PCDHA6: variants seen among roughly 807,000 people sequenced by gnomAD.
PCDHA6 encodes the protein protocadherin alpha 6.
In PCDHA6, 55 loss-of-function variants were observed where a neutral mutation model predicts 60.3. The observed-to-expected ratio is 0.91, with a 90% CI of 0.73 to 1.14. The LOEUF (loss-of-function observed/expected upper bound fraction) is 1.14. Among genes scored for constraint, PCDHA6 ranks in the 50% most tolerant of loss-of-function variants. The pLI, the probability that PCDHA6 is intolerant of heterozygous loss-of-function variation, is 0.00. For missense variants in PCDHA6, 1,327 were observed against 1,256.5 expected (o/e 1.06, Z -0.85); for synonymous variants, 652 against 557.9 (o/e 1.17, Z -2.38).
At chr5:140,834,844 T>C in intron 1 of PCDHA6, 2 of 1,611,130 alleles carry the variant, frequency 1.2e-6, no homozygotes, top group Non-Finnish European at 1.7e-6. Flanking sequence ...CGGTTTCCAC[T>C]AGAGGGCGCG....
At chr5:140,837,048 T>A (rs1774890519) in intron 1 of PCDHA6, 1 of 199,144 alleles carries the variant, frequency 5.0e-6, no homozygotes. Flanking sequence ...ATCAAATATT[T>A]ACATTTCCAT....
intron 1 of PCDHA6, among the ~76,000 whole-genome samples, chr5:140,899,853 G>T (rs2067594174): frequency 6.6e-6 from 1 of 152,118 alleles, no homozygotes; most frequent in South Asian, 2.1e-4. Context: ...TGTCACCCAG[G>T]CTGGAGTGCA....
chr5:140,927,218 A>T, intron 1 of PCDHA6: 1 of 1,614,090 alleles, frequency 6.2e-7, no homozygotes, highest in Non-Finnish European at 8.5e-7. Flanking sequence ...GAGCTGCACA[A>T]GATTCGGATT....
In PCDHA6 at chr5:141,005,148, G is replaced by T. The variant is rs528805353; in HGVS notation, c.2543-4479G>T. The stretch of plus-strand genomic sequence containing the variant: ...AAGTGCCTCATTGGAGAGTTGTTTG[G>T]TCTGCTAAAGAGTGGGTACCACTTT... On this transcript the variant is annotated intron_variant, in intron 3 of 3. Transcript: ENST00000529310. 3.3e-5 allele frequency among the ~76,000 whole-genome samples: 5 copies of T among 152,328 alleles called. No individual in the cohort carries two copies. The South Asian group carries it at 1.0e-3, about 32-fold the overall frequency.
intron 1 of PCDHA6, among the ~76,000 whole-genome samples, chr5:140,893,688 C>G (rs903086896): frequency 6.6e-6 from 1 of 152,168 alleles, no homozygotes; most frequent in Admixed American, 6.5e-5. Context: ...TATATCATCT[C>G]ATTCTATCCT....
intron 1 of PCDHA6, chr5:140,875,308 A>G (rs757619394): frequency 2.7e-5 from 39 of 1,423,476 alleles, no homozygotes; most frequent in Non-Finnish European, 3.4e-5. Flanking sequence ...CTCCGCACCC[A>G]CATTCCAATC....
rs2150166463 is a variant in PCDHA6 at position 140,829,358 on chromosome 5, T to C, written c.1267T>C (p.Leu423=). Residue 423 remains leucine, a synonymous_variant, in exon 1 of 4, where the codon TTG becomes CTG. Coordinates refer to ENST00000529310, the MANE Select transcript of PCDHA6 (RefSeq NM_018909.4). ...LDRESVSAYE[L]VVTARDGGSP... is the part of the protein sequence containing the mutation. ...CCGCGAGAGCGTGTCGGCCTATGAG[T>C]TGGTGGTAACCGCGCGGGACGGGGG... The C allele has an allele frequency of 2.5e-6, 4 of 1,614,154 alleles. No individual in the cohort carries two copies. Among genetic ancestry groups the C allele is most frequent in the Admixed American group, 1.7e-5 (1 of 60,020 alleles).
chr5:140,896,583 G>T (rs557774521), intron 1 of PCDHA6, among the ~76,000 whole-genome samples: 1 of 151,654 alleles, frequency 6.6e-6, no homozygotes, highest in South Asian at 2.1e-4. Context: ...TGACGTGTTG[G>T]CCAGGCTGGT....
rs1554135559 is a variant in PCDHA6 at position 140,836,032 on chromosome 5, C to T, written c.2394+5547C>T. 7.4e-6 allele frequency: 12 copies of T among 1,613,412 alleles called. No individual in the cohort carries two copies. The East Asian group carries it at 2.7e-4, about 36-fold the overall frequency. ...GTGCCGCCTCTGGGCAGCAACGTGA[C>T]GCTGCAGGTGTTCGTGCTGGACGAG... On this transcript the variant is annotated intron_variant, in intron 1 of 3. Coordinates refer to ENST00000529310, the MANE Select transcript of PCDHA6 (RefSeq NM_018909.4).
At chr5:140,964,015 A>G (rs1466689123) in intron 1 of PCDHA6, among the ~76,000 whole-genome samples, 1 of 152,178 alleles carries the variant, frequency 6.6e-6, no homozygotes. Context: ...TTTAATAGAG[A>G]GCTCTTGAAG....
At chr5:140,887,039 T>G (rs1396033565) in intron 1 of PCDHA6, among the ~76,000 whole-genome samples, 2 of 152,156 alleles carry the variant, frequency 1.3e-5, no homozygotes, top group African/African-American at 4.8e-5. Flanking sequence ...TTAATATTTT[T>G]TATAGTGCAT....
rs140986120 is a variant in PCDHA6 at position 140,846,525 on chromosome 5, C to A, written c.2394+16040C>A. On this transcript the variant is annotated intron_variant, in intron 1 of 3. Coordinates refer to ENST00000529310, the MANE Select transcript of PCDHA6 (RefSeq NM_018909.4). ...AAGTAGCTGGGATTACAGGTGCATG[C>A]CACCATGCCCTGCTAATTTTTTGTA... 3.4e-5 allele frequency among the ~76,000 whole-genome samples: 5 copies of A among 148,378 alleles called. 1 individual carries two copies. The highest frequency in any genetic ancestry group is 1.2e-4 in the African/African-American group (5 of 40,594).
intron 1 of PCDHA6, chr5:140,854,759 A>G (rs2043218942): frequency 6.7e-6 from 1 of 149,714 alleles, no homozygotes. Context: ...TTACATTTTC[A>G]TTCCTGAATA....
chr5:140,836,399 C>G (rs2150259749), intron 1 of PCDHA6: 9 of 1,613,764 alleles, frequency 5.6e-6, no homozygotes, highest in Non-Finnish European at 7.6e-6. Context: ...TGGTGGAAAG[C>G]GGCCAGGCAC....
intron 3 of PCDHA6, among the ~76,000 whole-genome samples, chr5:140,999,024 T>C (rs17119348): frequency 0.023 from 3,497 of 152,332 alleles, 138 homozygotes; most frequent in African/African-American, 0.08. Context: ...CCAAGACTTT[T>C]GATACTTCGT....
chr5:140,953,055 T>C (rs1389436711), intron 1 of PCDHA6, among the ~76,000 whole-genome samples: 3 of 152,178 alleles, frequency 2.0e-5, no homozygotes, highest in African/African-American at 7.2e-5. Flanking sequence ...CAATCACCTC[T>C]CACAGGCCCC....
At chr5:140,852,863 G>A (rs945338680) in intron 1 of PCDHA6, 4 of 958,208 alleles carry the variant, frequency 4.2e-6, no homozygotes, top group Non-Finnish European at 3.8e-6. Flanking sequence ...CATTTACTAT[G>A]TCATCAATAA....
intron 1 of PCDHA6, among the ~76,000 whole-genome samples, chr5:140,840,430 A>T (rs1776694200): frequency 6.6e-6 from 1 of 151,990 alleles, no homozygotes; most frequent in Admixed American, 6.6e-5. Flanking sequence ...GCTAGTTTAA[A>T]GCCGTGGAAA....
chr5:140,869,388 G>C lies in PCDHA6; in HGVS notation c.2394+38903G>C, dbSNP rs529836794. On this transcript the variant is annotated intron_variant, in intron 1 of 3. Transcript: ENST00000529310. Reference sequence around the variant, plus strand: ...ATTCTCGGATCGACCGCGAGGAGCTGTGCGGGCAGAGCGCGGAGTGCAGCA... The same window carrying C: ...ATTCTCGGATCGACCGCGAGGAGCTCTGCGGGCAGAGCGCGGAGTGCAGCA... 3.7e-6 allele frequency: 6 copies of C among 1,614,204 alleles called. No homozygotes were observed. The African/African-American group carries it at 6.7e-5, about 18-fold the overall frequency.
Sources: allele counts gnomAD v4.1 joint callset (sites outside exome capture counted in the v4.1 genomes callset), GRCh38; gene constraint gnomAD v4.1.1; transcripts MANE v1.5; gene names NCBI Gene and HGNC (gene_info 2026-07-23, HGNC 2026-07-21).